Variants in PRAG1 observed in about 807,000 individuals in gnomAD.
PRAG1 encodes the protein inactive tyrosine-protein kinase PRAG1.
A neutral mutation model predicts 95.6 loss-of-function variants in PRAG1; 110 were observed. That is an observed-to-expected ratio of 1.15 (90% CI 0.99 to 1.35). The LOEUF is 1.35. PRAG1 is among the 40% of genes most tolerant of loss of function. The probability of loss-of-function intolerance (pLI) is 0.00; values close to 1 mark genes in which losing one functional copy is unlikely to be tolerated. For missense variants in PRAG1, 2,554 were observed against 1,864.7 expected (o/e 1.37, Z -6.81); for synonymous variants, 1,052 against 819.4 (o/e 1.28, Z -4.85).
At chr8:8,371,414 T>C (rs7461588) in intron 3 of PRAG1, among the ~76,000 whole-genome samples, 4,119 of 151,842 alleles carry the variant, frequency 0.027, 71 homozygotes, top group African/African-American at 0.046. Flanking sequence ...GCGCCCGCCA[T>C]CACGCCTGGC....
At chr8:8,320,883 G>C (rs1482093010) in intron 5 of PRAG1, among the ~76,000 whole-genome samples, 3 of 152,190 alleles carry the variant, frequency 2.0e-5, no homozygotes, top group Non-Finnish European at 4.4e-5. Context: ...GCATACAAGA[G>C]CTTGGCCTCC....
chr8:8,385,366 T>C (rs1325933205), intron 1 of PRAG1, among the ~76,000 whole-genome samples: 1 of 152,092 alleles, frequency 6.6e-6, no homozygotes, highest in Non-Finnish European at 1.5e-5. Context: ...CTTCCTCCAG[T>C]GCTGGAGGAA....
chr8:8,382,463 C>T (rs979333702), intron 1 of PRAG1, among the ~76,000 whole-genome samples: 1 of 152,162 alleles, frequency 6.6e-6, no homozygotes, highest in African/African-American at 2.4e-5. Flanking sequence ...TGAGAAATAT[C>T]CCTTGCTTAA....
intron 5 of PRAG1, 21 bp downstream of exon 5, chr8:8,327,689 C>T (rs765587801): frequency 6.3e-7 from 1 of 1,591,252 alleles, no homozygotes; most frequent in Non-Finnish European, 8.6e-7. Flanking sequence ...CAGCAGAATG[C>T]AAGGAGGGAG....
intron 3 of PRAG1, among the ~76,000 whole-genome samples, chr8:8,344,420 T>G (rs1244562566): frequency 6.6e-6 from 1 of 152,098 alleles, no homozygotes; most frequent in East Asian, 1.9e-4. Context: ...TAAAAACATA[T>G]AAGGATATAT....
At chr8:8,319,670 G>A (rs750721927) in intron 5 of PRAG1, among the ~76,000 whole-genome samples, 1 of 152,108 alleles carries the variant, frequency 6.6e-6, no homozygotes, top group Non-Finnish European at 1.5e-5. Context: ...TCTGGAATTT[G>A]TATTAAAAAA....
intron 3 of PRAG1, among the ~76,000 whole-genome samples, chr8:8,357,730 T>C (rs9657554): frequency 0.041 from 6,200 of 152,284 alleles, 436 homozygotes; most frequent in African/African-American, 0.14. Flanking sequence ...CTAACAGATA[T>C]TTGCTTACCT....
chr8:8,352,400 G>T (rs999683148), intron 3 of PRAG1, among the ~76,000 whole-genome samples: 1 of 152,168 alleles, frequency 6.6e-6, no homozygotes, highest in Non-Finnish European at 1.5e-5. Context: ...GCTTCTCCAG[G>T]AAAAAGTCCA....
At chr8:8,343,514 G>A (rs1377972513) in intron 3 of PRAG1, among the ~76,000 whole-genome samples, 4 of 152,200 alleles carry the variant, frequency 2.6e-5, no homozygotes, top group African/African-American at 9.7e-5. Flanking sequence ...AAAATACATA[G>A]AAAGGATTTG....
In PRAG1 at chr8:8,354,832, C is replaced by A. The variant is rs555410121; in HGVS notation, c.2163-15197G>T. On this transcript the variant is annotated intron_variant, in intron 3 of 5. Transcript: ENST00000615670. Reference sequence around the variant, plus strand: ...AGCTAATATCATAATCAATGGGGAACAACTAAATGTTTTTCCATTAAGATC... The same window carrying A: ...AGCTAATATCATAATCAATGGGGAAAAACTAAATGTTTTTCCATTAAGATC... 2.0e-5 allele frequency among the ~76,000 whole-genome samples: 3 copies of A among 152,090 alleles called. No individual in the cohort carries two copies. The East Asian group carries it at 5.8e-4, about 29-fold the overall frequency.
Position 8,348,697 on chromosome 8 carries a change from CCTCCCA to C in PRAG1, c.2163-9068_2163-9063del, listed in dbSNP as rs568711507. On this transcript the variant is annotated intron_variant, in intron 3 of 5. Coordinates refer to ENST00000615670, the MANE Select transcript of PRAG1 (RefSeq NM_001080826.3). ...CATCAGTTTCACTTACCTACAAATT[CCTCCCA>C]AACTATTTCAGTCTTCTCTGACCCT... Among the ~76,000 whole-genome samples, 4 of 152,282 alleles carry C rather than the reference CCTCCCA, an allele frequency of 2.6e-5. No homozygotes were observed. The East Asian group carries it at 7.7e-4, about 29-fold the overall frequency.
chr8:8,365,522 G>C (rs1799971098), intron 3 of PRAG1, among the ~76,000 whole-genome samples: 1 of 152,260 alleles, frequency 6.6e-6, no homozygotes, highest in East Asian at 1.9e-4. Flanking sequence ...TACTCGGGAG[G>C]CTGAGGCAGG....
intron 3 of PRAG1, among the ~76,000 whole-genome samples, chr8:8,365,605 C>A (rs1799975549): frequency 6.6e-6 from 1 of 151,480 alleles, no homozygotes. Flanking sequence ...GCCTGGGCAA[C>A]AACAGTGAAA....
chr8:8,335,962 G>C (rs1229907627), intron 4 of PRAG1, among the ~76,000 whole-genome samples: 1 of 152,158 alleles, frequency 6.6e-6, no homozygotes, highest in East Asian at 1.9e-4. Flanking sequence ...TTTGCCAGTA[G>C]TAGTCAGCTT....
At chr8:8,349,754 G>A (rs965559540) in intron 3 of PRAG1, among the ~76,000 whole-genome samples, 13 of 151,968 alleles carry the variant, frequency 8.6e-5, no homozygotes, top group African/African-American at 1.9e-4. Flanking sequence ...TTTCATCTTT[G>A]GTCAGATGAC....
intron 3 of PRAG1, among the ~76,000 whole-genome samples, chr8:8,358,111 A>T (rs539860713): frequency 1.3e-5 from 2 of 152,338 alleles, no homozygotes; most frequent in Non-Finnish European, 2.9e-5. Flanking sequence ...CTTCTGATCA[A>T]TCAATTATAA....
intron 4 of PRAG1, among the ~76,000 whole-genome samples, chr8:8,332,997 C>T (rs924993068): frequency 6.6e-6 from 1 of 152,216 alleles, no homozygotes; most frequent in African/African-American, 2.4e-5. Context: ...AGGCAAACCA[C>T]TGGTTCAGAA....
chr8:8,369,086 A>C (rs1051767010), intron 3 of PRAG1, among the ~76,000 whole-genome samples: 2 of 152,142 alleles, frequency 1.3e-5, no homozygotes, highest in African/African-American at 4.8e-5. Flanking sequence ...TCTTTAACTC[A>C]AGGTGGTAAT....
At chr8:8,344,942 T>C (rs1799283428) in intron 3 of PRAG1, among the ~76,000 whole-genome samples, 1 of 152,184 alleles carries the variant, frequency 6.6e-6, no homozygotes, top group Non-Finnish European at 1.5e-5. Flanking sequence ...TTAATTCTTC[T>C]GTCTATAGTT....
Sources: gnomAD v4.1 joint callset for allele counts (sites outside exome capture counted in the v4.1 genomes callset) on GRCh38, gnomAD v4.1.1 for gene constraint, MANE v1.5 for transcripts, NCBI Gene and HGNC (gene_info 2026-07-23, HGNC 2026-07-21) for gene names.